INSR: variants seen among roughly 807,000 people sequenced by gnomAD.
INSR encodes the protein insulin receptor, also known as IR.
Under a neutral mutation model 142.6 loss-of-function variants are expected in INSR, and 67 were observed. The observed-to-expected ratio is 0.47, with a 90% confidence interval of 0.39 to 0.58. The LOEUF is 0.58. INSR is among the 20% of genes least tolerant of loss of function. The pLI is 0.00. For missense variants in INSR, 1,248 were observed against 1,833.2 expected (o/e 0.68, Z 5.83); for synonymous variants, 756 against 743.1 (o/e 1.02, Z -0.28).
chr19:7,147,635 A>G (rs1973217216), intron 11 of INSR, among the ~76,000 whole-genome samples: 1 of 152,172 alleles, frequency 6.6e-6, no homozygotes, highest in African/African-American at 2.4e-5. Flanking sequence ...GTCTTTTTGT[A>G]TTAAAAGACT....
At chr19:7,156,049 ATTCTTTTTT>A (rs1973583289) in intron 9 of INSR, among the ~76,000 whole-genome samples, 1 of 132,316 alleles carries the variant, frequency 7.6e-6, no homozygotes. Flanking sequence ...GCCATATGGA[ATTCTTTTTT>A]TTTTTTTTTT....
At chr19:7,206,519 G>A (rs892988445) in intron 2 of INSR, among the ~76,000 whole-genome samples, 3 of 152,198 alleles carry the variant, frequency 2.0e-5, no homozygotes, top group African/African-American at 7.2e-5. Context: ...CCTCCTGTCA[G>A]ATCAGCAGCA....
At chr19:7,212,459 T>C (rs1975304627) in intron 2 of INSR, among the ~76,000 whole-genome samples, 1 of 152,186 alleles carries the variant, frequency 6.6e-6, no homozygotes, top group African/African-American at 2.4e-5. Flanking sequence ...TGTCCAAGAT[T>C]TGCTGAGGGT....
intron 9 of INSR, among the ~76,000 whole-genome samples, chr19:7,158,362 G>T (rs578126743): frequency 7.2e-5 from 11 of 152,014 alleles, no homozygotes; most frequent in South Asian, 4.1e-4. Flanking sequence ...TTAGCCGGGC[G>T]TGGTGGCGGG....
At chr19:7,179,720 T>C (rs761507284) in intron 3 of INSR, among the ~76,000 whole-genome samples, 1 of 152,240 alleles carries the variant, frequency 6.6e-6, no homozygotes, top group Non-Finnish European at 1.5e-5. Context: ...CCCTGAGAGC[T>C]GAAAATATTT....
intron 2 of INSR, among the ~76,000 whole-genome samples, chr19:7,209,639 C>G (rs1303358750): frequency 1.3e-5 from 2 of 151,928 alleles, no homozygotes; most frequent in African/African-American, 4.8e-5. Context: ...GTCTCGAACT[C>G]CTGGATTCAA....
intron 2 of INSR, among the ~76,000 whole-genome samples, chr19:7,196,134 C>T (rs1170684744): frequency 2.0e-5 from 3 of 151,416 alleles, no homozygotes; most frequent in African/African-American, 4.9e-5. Context: ...GGGGCTTCTC[C>T]AAGTTGGTCA....
At chr19:7,178,875 G>A (rs1032686473) in intron 3 of INSR, among the ~76,000 whole-genome samples, 2 of 152,146 alleles carry the variant, frequency 1.3e-5, no homozygotes, top group South Asian at 2.1e-4. Context: ...AGATCTTGCC[G>A]TATGTGTATC....
At chr19:7,117,975 T>C (rs904327351) in intron 21 of INSR, among the ~76,000 whole-genome samples, 6 of 149,558 alleles carry the variant, frequency 4.0e-5, no homozygotes, top group Non-Finnish European at 7.4e-5. Flanking sequence ...GGCGCAATCA[T>C]AGCTCATTGC....
chr19:7,276,487 C>T (rs556078890), intron 1 of INSR, among the ~76,000 whole-genome samples: 2 of 152,122 alleles, frequency 1.3e-5, no homozygotes, highest in African/African-American at 4.8e-5. Context: ...TATTCTGGGG[C>T]CCACACGTCC....
rs1974636899 is a variant in INSR, at chr19:7,192,769, T to C, written c.653-8132A>G. On this transcript the variant is annotated intron_variant, in intron 2 of 21. Transcript: ENST00000302850. The surrounding 1 kb of genome is among the most constrained non-coding windows in gnomAD (Gnocchi z 4.2). ...CTTCAAAGCCACATTGAGCTGCTGG[T>C]CCCAATTTTCCCCCAGTTCTCCCTA... Among the ~76,000 whole-genome samples the C allele has an allele frequency of 6.6e-6, 1 of 152,140 alleles. No individual in the cohort carries two copies.
At chr19:7,136,706 A>G (rs1464302776) in intron 13 of INSR, among the ~76,000 whole-genome samples, 1 of 152,084 alleles carries the variant, frequency 6.6e-6, no homozygotes, top group East Asian at 1.9e-4. Context: ...ATGTGAGGTT[A>G]CAGTCACCTT....
intron 2 of INSR, among the ~76,000 whole-genome samples, chr19:7,248,911 C>T (rs963389131): frequency 3.9e-5 from 6 of 151,936 alleles, no homozygotes; most frequent in African/African-American, 1.2e-4. Context: ...AGGCATGCGC[C>T]ACCACGCCCA....
intron 9 of INSR, among the ~76,000 whole-genome samples, chr19:7,162,541 T>C (rs1973781933): frequency 7.0e-6 from 1 of 142,048 alleles, no homozygotes; most frequent in South Asian, 2.2e-4. Flanking sequence ...CCGGGTGTGG[T>C]GGCTCATGCC....
At chr19:7,121,071 C>T (rs1458528115) in intron 19 of INSR, among the ~76,000 whole-genome samples, 1 of 151,922 alleles carries the variant, frequency 6.6e-6, no homozygotes, top group Non-Finnish European at 1.5e-5. Flanking sequence ...AATCTTGGCT[C>T]ACTGCAACCT....
intron 11 of INSR, among the ~76,000 whole-genome samples, chr19:7,145,158 T>C (rs1973159865): frequency 6.6e-6 from 1 of 152,164 alleles, no homozygotes; most frequent in Admixed American, 6.6e-5. Flanking sequence ...CTTACTCCTG[T>C]GTTGTTTATT....
Position 7,132,270 on chromosome 19 carries a change from G to A in INSR, c.2730C>T (p.Gly910=). Reference sequence around the variant, plus strand: ...CCGGTGACAGCCCACGCAGCCTGCAGCCCCGTTCCAGAGCGAAGTGCTTGC... The same window carrying A: ...CCGGTGACAGCCCACGCAGCCTGCAACCCCGTTCCAGAGCGAAGTGCTTGC... ...VSRKHFALER[G]CRLRGLSPGN... is the part of the protein sequence containing the mutation. The change falls in exon 14 of 22, where the codon GGC becomes GGT. Residue 910 remains glycine (G), a synonymous_variant. Coordinates refer to ENST00000302850, the MANE Select transcript of INSR (RefSeq NM_000208.4). 3.1e-6 allele frequency: 5 copies of A among 1,614,196 alleles called. No homozygotes were observed. The highest frequency in any genetic ancestry group is 4.2e-6 in the Non-Finnish European group (5 of 1,180,032).
intron 13 of INSR, among the ~76,000 whole-genome samples, chr19:7,139,932 T>A (rs1206782341): frequency 6.6e-6 from 1 of 151,120 alleles, no homozygotes; most frequent in Non-Finnish European, 1.5e-5. Context: ...CAAGCAATTC[T>A]CCCTGCTTCA....
chr19:7,141,777 A>G lies in INSR; in HGVS notation c.2582T>C (p.Ile861Thr), dbSNP rs139040947. The change falls in exon 13 of 22, where the codon ATC (isoleucine) becomes ACC (threonine). Residue 861 changes from isoleucine to threonine, a missense_variant. Ile to Thr is a moderately conservative substitution (Grantham distance 89). Coordinates refer to ENST00000302850, the MANE Select transcript of INSR (RefSeq NM_000208.4). ...CAAGTGGACGACGTTGTTCTCAAAG[A>G]TTTCATGCGTCACAGGGCCAACAAT... ...DDIVGPVTHE[I>T]FENNVVHLMW... The G allele has an allele frequency of 7.4e-6, 12 of 1,614,136 alleles. No individual in the cohort carries two copies. The African/African-American group carries it at 1.6e-4, about 22-fold the overall frequency.
Sources: gnomAD v4.1 joint callset for allele counts (sites outside exome capture counted in the v4.1 genomes callset) on GRCh38, gnomAD v4.1.1 for gene constraint, Gnocchi (gnomAD v3.1) non-coding constraint, MANE v1.5 for transcripts, NCBI Gene and HGNC (gene_info 2026-07-23, HGNC 2026-07-21) for gene names.